PDZD2: variants seen among roughly 807,000 people sequenced by gnomAD.
PDZD2 encodes PDZ domain containing 2, also known as PDZ domain-containing protein 2.
Under a neutral mutation model 220.7 loss-of-function variants are expected in PDZD2, and 90 were observed. The observed-to-expected ratio is 0.41, with a 90% CI of 0.34 to 0.49. The LOEUF is 0.49. PDZD2 is among the 20% of genes least tolerant of loss of function. The pLI is 0.28. For synonymous variants in PDZD2, 1,375 were observed against 1,450.5 expected, an observed-to-expected ratio of 0.95 and a Z score of 1.18; for missense variants, 3,174 against 3,608.5, an observed-to-expected ratio of 0.88 and a Z score of 3.08.
At chr5:31,878,307 C>A (rs1037762705) in intron 2 of PDZD2, among the ~76,000 whole-genome samples, 1 of 152,070 alleles carries the variant, frequency 6.6e-6, no homozygotes, top group Non-Finnish European at 1.5e-5. Flanking sequence ...TTTTCTTGGT[C>A]CCTGACAACT....
At chr5:31,818,212 T>C (rs112430911) in intron 2 of PDZD2, among the ~76,000 whole-genome samples, 18,294 of 152,064 alleles carry the variant, frequency 0.12, 1,136 homozygotes, top group Non-Finnish European at 0.14. Context: ...GCTCAAGCAA[T>C]CCACCTTCCT....
At chr5:32,015,159 C>T (rs1753691725) in intron 6 of PDZD2, among the ~76,000 whole-genome samples, 2 of 151,988 alleles carry the variant, frequency 1.3e-5, no homozygotes, top group African/African-American at 4.8e-5. Flanking sequence ...CCAGGCTGGT[C>T]TTGAACTCCT....
Position 32,052,637 on chromosome 5 carries a change from C to A in PDZD2, c.1692C>A (p.Thr564=). The A allele has an allele frequency of 6.2e-7, 1 of 1,613,306 alleles. No individual in the cohort carries two copies. Among genetic ancestry groups the A allele is most frequent in the East Asian group, 2.2e-5 (1 of 44,900 alleles). ...AATACCACATTGTGAAGAAGTCTAC[C>A]CGCTCCTTAAGCACGACTCAGGTGG... ...SQEYHIVKKS[T]RSLSTTQVES... is the part of the protein sequence containing the mutation. Residue 564 remains threonine (T), a synonymous_variant, in exon 9 of 25, where the codon ACC becomes ACA. Transcript: ENST00000438447.
intron 2 of PDZD2, among the ~76,000 whole-genome samples, chr5:31,975,799 T>A (rs200969976): frequency 1.0e-4 from 5 of 49,016 alleles, no homozygotes; most frequent in Admixed American, 7.7e-4. Flanking sequence ...GTCACTTTTT[T>A]TTTATTTATT....
At chr5:31,790,913 T>C (rs989699411) in intron 1 of PDZD2, among the ~76,000 whole-genome samples, 1 of 151,488 alleles carries the variant, frequency 6.6e-6, no homozygotes, top group African/African-American at 2.4e-5. Context: ...TTAGCCAAGA[T>C]GGTCTTGATC....
intron 2 of PDZD2, among the ~76,000 whole-genome samples, chr5:31,927,553 T>A (rs946891934): frequency 6.6e-6 from 1 of 152,018 alleles, no homozygotes; most frequent in Non-Finnish European, 1.5e-5. Context: ...CCAGCTAATT[T>A]TTGTATTTTT....
At chr5:31,727,628 A>G (rs1265578278) in intron 1 of PDZD2, among the ~76,000 whole-genome samples, 1 of 148,754 alleles carries the variant, frequency 6.7e-6, no homozygotes, top group African/African-American at 2.5e-5. Context: ...TGAGCCCGGG[A>G]GGCAGAGGTT....
chr5:31,931,997 G>C (rs753701499), intron 2 of PDZD2, among the ~76,000 whole-genome samples: 1 of 152,094 alleles, frequency 6.6e-6, no homozygotes, highest in Non-Finnish European at 1.5e-5. Flanking sequence ...GGTCCTCCCC[G>C]CTTGCACAAT....
chr5:32,072,187 C>T lies in PDZD2; in HGVS notation c.2595C>T (p.Leu865=). 6.2e-7 allele frequency: 1 copy of T among 1,613,326 alleles called. No individual in the cohort carries two copies. Among genetic ancestry groups the T allele is most frequent in the Non-Finnish European group, 8.5e-7 (1 of 1,179,280 alleles). The change falls in exon 17 of 25, where the codon CTC becomes CTT. Residue 865 remains leucine (L), a synonymous_variant. Coordinates refer to ENST00000438447, the MANE Select transcript of PDZD2 (RefSeq NM_178140.4). ...KKDSLISESE[L]SQYFAHDVPG... is the part of the protein sequence containing the mutation. ...ACTCCCTTATTTCTGAATCTGAACT[C>T]TCCCAGTACTTTGCCCACGATGTCC... is the stretch of plus-strand genomic sequence containing the variant.
chr5:32,096,348 A>T (rs1370274505), intron 21 of PDZD2, among the ~76,000 whole-genome samples: 1 of 151,246 alleles, frequency 6.6e-6, no homozygotes, highest in Non-Finnish European at 1.5e-5. Flanking sequence ...ACAGAGCCTC[A>T]CTCCATCACC....
At chr5:31,873,187 A>G (rs1035640542) in intron 2 of PDZD2, among the ~76,000 whole-genome samples, 2 of 152,152 alleles carry the variant, frequency 1.3e-5, no homozygotes, top group Non-Finnish European at 2.9e-5. Flanking sequence ...AGATCCTAGC[A>G]CTTTGGGAGA....
intron 5 of PDZD2, among the ~76,000 whole-genome samples, chr5:32,003,306 CCA>C (rs1167201911): frequency 8.0e-5 from 10 of 125,238 alleles, no homozygotes; most frequent in African/African-American, 1.8e-4. Flanking sequence ...AAACACCACA[CCA>C]CACACACCCC....
In PDZD2 at chr5:31,983,205, T is replaced by A; in HGVS notation, c.527T>A (p.Leu176Gln). Residue 176 changes from leucine (L) to glutamine (Q), a missense_variant, in exon 3 of 25, where the codon CTG (leucine) becomes CAG (glutamine). Physicochemically the swap from Leu to Gln is moderately radical, Grantham distance 113. Transcript: ENST00000438447. ...GGCGGCTTTATCTACCTGATCATGC[T>A]GCGTCGCTTTAAGCACAAAGCCCAC... ...WNGGFIYLIMLRRFKHKAHST... is the reference protein window; with the variant it reads ...WNGGFIYLIMQRRFKHKAHST... The A allele has an allele frequency of 6.2e-7, 1 of 1,614,188 alleles. No homozygotes were observed. The highest frequency in any genetic ancestry group is 8.5e-7 in the Non-Finnish European group (1 of 1,180,010).
In PDZD2 at chr5:32,037,270, G is replaced by A. The variant is rs1034872448; in HGVS notation, c.1447G>A (p.Glu483Lys). ...TGAACCCCAAGATGTGTGCGGTGCT[G>A]AGGAATCCAAGGGGAACTTGGAAAG... ...TDEPQDVCGA[E>K]ESKGNLESPK... is the part of the protein sequence containing the mutation. Residue 483 changes from glutamate to lysine, a missense_variant, in exon 7 of 25, where the codon GAG (glutamate) becomes AAG (lysine). By Grantham distance (56) the Glu-to-Lys change is moderately conservative. Coordinates refer to ENST00000438447, the MANE Select transcript of PDZD2 (RefSeq NM_178140.4). 6.2e-7 allele frequency: 1 copy of A among 1,613,850 alleles called. No individual in the cohort carries two copies. The highest frequency in any genetic ancestry group is 1.3e-5 in the African/African-American group (1 of 74,914).
At chr5:32,076,024 G>A (rs111754620) in intron 18 of PDZD2, among the ~76,000 whole-genome samples, 6 of 152,252 alleles carry the variant, frequency 3.9e-5, no homozygotes, top group South Asian at 2.1e-4. Context: ...AGTGGCTCAC[G>A]CCTGTAATCC....
intron 1 of PDZD2, among the ~76,000 whole-genome samples, chr5:31,711,017 G>A (rs59931847): frequency 6.6e-6 from 1 of 152,236 alleles, no homozygotes; most frequent in East Asian, 1.9e-4. Flanking sequence ...TTCCATTCAC[G>A]CCTTGTGACA....
chr5:32,006,681 C>CT (rs76703572), intron 5 of PDZD2, among the ~76,000 whole-genome samples: 5,234 of 116,614 alleles, frequency 0.045, 231 homozygotes, highest in African/African-American at 0.084. Context: ...GGCTCAACAC[C>CT]TTTTTTTTTT....
chr5:31,752,067 G>GTTTT (rs1751007080), intron 1 of PDZD2, among the ~76,000 whole-genome samples: 9 of 38,104 alleles, frequency 2.4e-4, no homozygotes, highest in Non-Finnish European at 4.6e-4. Flanking sequence ...TTATTGTTTT[G>GTTTT]GGTTTGTTTT....
chr5:31,986,408 CT>C (rs1750726794), intron 3 of PDZD2, among the ~76,000 whole-genome samples: 1 of 152,120 alleles, frequency 6.6e-6, no homozygotes, highest in South Asian at 2.1e-4. Flanking sequence ...TTTTAGCACC[CT>C]TTTCAACCAT....
Sources: gnomAD v4.1 joint callset for allele counts (sites outside exome capture counted in the v4.1 genomes callset) on GRCh38, gnomAD v4.1.1 for gene constraint, MANE v1.5 for transcripts, NCBI Gene and HGNC (gene_info 2026-07-23, HGNC 2026-07-21) for gene names.